Variants in ACOT11 observed in about 807,000 individuals in gnomAD.
The protein encoded by ACOT11 is acyl-coenzyme A thioesterase 11.
In ACOT11, 69 loss-of-function variants were observed where a neutral mutation model predicts 77.5. That is an observed-to-expected ratio of 0.89 (90% CI 0.73 to 1.09). ACOT11 has a LOEUF of 1.09. Ranked by LOEUF, ACOT11 falls within the 50% of genes least tolerant of loss-of-function variation. The probability of loss-of-function intolerance (pLI) is 0.00; values close to 1 mark genes in which losing one functional copy is unlikely to be tolerated. For missense variants in ACOT11, 766 were observed against 813.7 expected, an observed-to-expected ratio of 0.94 and a Z score of 0.71; for synonymous variants, 279 against 313.0, an observed-to-expected ratio of 0.89 and a Z score of 1.15.
rs1178309468 is a variant in ACOT11, at chr1:54,592,531, C to T, written c.312-15C>T. On this transcript the variant is annotated splice_polypyrimidine_tract_variant and intron_variant, in intron 3 of 15. Coordinates refer to ENST00000343744, the MANE Select transcript of ACOT11 (RefSeq NM_147161.4). ...GCCCCTCTGGAAGGCTCACCTCCTA[C>T]TTTCCTCTCCCCAGTGTTGGACAAG... 6.2e-7 allele frequency: 1 copy of T among 1,609,622 alleles called. No homozygotes were observed. The highest frequency in any genetic ancestry group is 1.7e-5 in the Admixed American group (1 of 59,418).
chr1:54,608,972 C>T lies in ACOT11; in HGVS notation c.1645C>T (p.Gln549Ter), dbSNP rs200711013. 31 of 1,613,920 alleles carry T rather than the reference C, an allele frequency of 1.9e-5. No homozygotes were observed. Among genetic ancestry groups the T allele is most frequent in the Non-Finnish European group, 2.5e-5 (30 of 1,179,944 alleles). ...DQLTKVSYYNQATPGVLNYVT... is the reference protein window; with the variant it reads ...DQLTKVSYYN ...CACCCTGCAGGTATCCTACTACAAC[C>T]AGGCCACCCCAGGTGTTCTCAACTA... The change falls in exon 16 of 16, where the codon CAG (glutamine) becomes TAG (stop). Residue 549 changes from glutamine (Q) to a stop codon, truncating the protein, a stop_gained. Transcript: ENST00000343744. LOFTEE classifies it high-confidence loss of function.
Position 54,592,675 on chromosome 1 carries a change from C to T in ACOT11, c.372+69C>T, listed in dbSNP as rs183099244. The T allele has an allele frequency of 3.9e-6, 6 of 1,535,796 alleles. No individual in the cohort carries two copies. In the Admixed American group the frequency reaches 5.2e-5, roughly 13 times the overall value. ...TCCTCTACCTCCTCTCTCCATTCTT[C>T]TCCCTGCAGCCCAGGGCCACTCACA... On this transcript the variant is annotated intron_variant, in intron 4 of 15. Coordinates refer to ENST00000343744, the MANE Select transcript of ACOT11 (RefSeq NM_147161.4).
chr1:54,611,372 C>G (rs1199417351), downstream of ACOT11, among the ~76,000 whole-genome samples: 1 of 152,034 alleles, frequency 6.6e-6, no homozygotes, highest in African/African-American at 2.4e-5. Flanking sequence ...TGCACTCCAG[C>G]CTGGGTGACA....
At position 54,608,997 on chromosome 1, in the gene ACOT11, A is replaced by G. The variant is rs1294120797; in HGVS notation, c.1670A>G (p.Tyr557Cys). The change falls in exon 16 of 16, where the codon TAT (tyrosine) becomes TGT (cysteine). Residue 557 changes from tyrosine (Y) to cysteine (C), a missense_variant. Transcript: ENST00000343744. ...YNQATPGVLN[Y>C]VTTNVAGLSS... ...CAGGCCACCCCAGGTGTTCTCAACT[A>G]TGTGACCACCAACGTGGCCGGCCTC... is the stretch of plus-strand genomic sequence containing the variant. 1 of 1,613,910 alleles carries G rather than the reference A, an allele frequency of 6.2e-7. No individual in the cohort carries two copies. The highest frequency in any genetic ancestry group is 1.7e-5 in the Admixed American group (1 of 59,996).
intron 15 of ACOT11, chr1:54,621,636 C>G (rs1425539267): frequency 6.6e-6 from 1 of 152,452 alleles, no homozygotes; most frequent in African/African-American, 2.4e-5. Context: ...CAAAAGCAGG[C>G]AGAGGGACCT....
At chr1:54,557,531 C>T (rs1383589416) in intron 1 of ACOT11, among the ~76,000 whole-genome samples, 1 of 152,176 alleles carries the variant, frequency 6.6e-6, no homozygotes, top group Non-Finnish European at 1.5e-5. Flanking sequence ...CCTCCCACCT[C>T]AGCCTCCTGA....
rs1569769790 is a variant in ACOT11 at position 54,607,985 on chromosome 1, C to T, written c.1546C>T (p.His516Tyr). 6.2e-7 allele frequency: 1 copy of T among 1,613,964 alleles called. No homozygotes were observed. Residue 516 changes from histidine (H) to tyrosine (Y), a missense_variant, in exon 15 of 16, where the codon CAC becomes TAC. Physicochemically the swap from His to Tyr is moderately conservative, Grantham distance 83. Coordinates refer to ENST00000343744, the MANE Select transcript of ACOT11 (RefSeq NM_147161.4). This position sits in a 1 kb window ranked among gnomAD's most constrained non-coding sequence, Gnocchi z 4.5. ...IALRSVTLPT[H>Y]RETPEYRRGE... is the part of the protein sequence containing the mutation. ...GCTGAGGTCGGTCACGCTGCCCACA[C>T]ACCGAGAGACGCCAGAGTACAGACG... is the stretch of plus-strand genomic sequence containing the variant.
At chr1:54,583,359 G>A (rs1391283153) in intron 1 of ACOT11, among the ~76,000 whole-genome samples, 2 of 152,146 alleles carry the variant, frequency 1.3e-5, no homozygotes, top group African/African-American at 4.8e-5. Context: ...AGCCACCTCG[G>A]AGTGCTTGAA....
chr1:54,592,724 G>T (rs1483631306), intron 4 of ACOT11, 118 bp downstream of exon 4: 3 of 1,014,906 alleles, frequency 3.0e-6, no homozygotes, highest in Non-Finnish European at 4.3e-6. Flanking sequence ...GATTAGAGCA[G>T]CAGAGTTCTG....
chr1:54,594,428 T>G, intron 5 of ACOT11, 128 bp from the exon 6 acceptor site: 1 of 1,269,922 alleles, frequency 7.9e-7, no homozygotes, highest in African/African-American at 1.5e-5. Context: ...GAGGAAGCCT[T>G]GGAACTGAGC....
chr1:54,580,943 A>C (rs1456025904), intron 1 of ACOT11, among the ~76,000 whole-genome samples: 4 of 152,122 alleles, frequency 2.6e-5, no homozygotes, highest in Non-Finnish European at 5.9e-5. Flanking sequence ...CTCTAAGGAA[A>C]CGTATATGGT....
downstream of ACOT11, chr1:54,611,517 C>T (rs940264828): frequency 2.2e-6 from 3 of 1,369,304 alleles, no homozygotes; most frequent in African/African-American, 4.3e-5. Context: ...CTTCTGATAT[C>T]CCTTCCACCC....
intron 1 of ACOT11, among the ~76,000 whole-genome samples, chr1:54,554,310 T>C (rs1170505478): frequency 2.6e-5 from 2 of 76,514 alleles, no homozygotes; most frequent in African/African-American, 9.1e-5. Flanking sequence ...TGTGTGTGTG[T>C]GTGTGTGTGT....
exon 17 of ACOT11, chr1:54,634,744 C>G: frequency 1.4e-6 from 1 of 702,272 alleles, no homozygotes; most frequent in Non-Finnish European, 2.6e-6. Context: ...TTATCATGAG[C>G]CAGATGCCAA....
chr1:54,589,223 A>G (rs1329796538), intron 3 of ACOT11, among the ~76,000 whole-genome samples: 1 of 150,300 alleles, frequency 6.7e-6, no homozygotes, highest in East Asian at 2.0e-4. Flanking sequence ...CACCATATTG[A>G]TCAGGCTGGT....
chr1:54,576,175 G>C (rs996434139), intron 1 of ACOT11, among the ~76,000 whole-genome samples: 2 of 152,206 alleles, frequency 1.3e-5, no homozygotes, highest in Non-Finnish European at 2.9e-5. Flanking sequence ...CTACATTCTT[G>C]TGTTGAGTTG....
chr1:54,608,169 G>C, intron 15 of ACOT11, 101 bp downstream of exon 15: 1 of 1,266,038 alleles, frequency 7.9e-7, no homozygotes. Context: ...CTCAGAGCTG[G>C]CCCCCCAGCA....
intron 1 of ACOT11, among the ~76,000 whole-genome samples, chr1:54,578,812 C>T (rs1347154135): frequency 2.0e-5 from 3 of 150,016 alleles, no homozygotes; most frequent in African/African-American, 7.4e-5. Flanking sequence ...TTTATTTTTA[C>T]TTGTAAAAAT....
chr1:54,559,460 C>T (rs373152128), intron 1 of ACOT11, among the ~76,000 whole-genome samples: 2 of 152,256 alleles, frequency 1.3e-5, no homozygotes, highest in African/African-American at 4.8e-5. Flanking sequence ...ACTCACTCAC[C>T]TCACCTCTGT....
Sources: allele counts gnomAD v4.1 joint callset (sites outside exome capture counted in the v4.1 genomes callset), GRCh38; gene constraint gnomAD v4.1.1; non-coding constraint Gnocchi (gnomAD v3.1); transcripts MANE v1.5; gene names NCBI Gene and HGNC (gene_info 2026-07-23, HGNC 2026-07-21).